Variants in TJP3 observed in about 807,000 individuals in gnomAD.
TJP3 encodes tight junction protein 3, also known as tight junction protein ZO-3.
In TJP3, 85 loss-of-function variants were observed where a neutral mutation model predicts 104.2. That is an observed-to-expected ratio of 0.82 (90% CI 0.68 to 0.98). The LOEUF (loss-of-function observed/expected upper bound fraction) is 0.98. Ranked by LOEUF, TJP3 falls within the 50% of genes least tolerant of loss-of-function variation. TJP3 has a pLI of 0.00. For synonymous variants in TJP3, 550 were observed against 550.6 expected, an observed-to-expected ratio of 1.00 and a Z score of 0.02; for missense variants, 1,367 against 1,322.8, an observed-to-expected ratio of 1.03 and a Z score of -0.52.
At chr19:3,742,034 T>C (rs2036828807) in intron 14 of TJP3, among the ~76,000 whole-genome samples, 1 of 151,924 alleles carries the variant, frequency 6.6e-6, no homozygotes, top group South Asian at 2.1e-4. Context: ...AGGAAGGGGG[T>C]TCATTCCTTA....
intron 19 of TJP3, 95 bp from the exon 20 acceptor site, chr19:3,750,043 G>A (rs890132016): frequency 1.4e-5 from 22 of 1,538,212 alleles, no homozygotes; most frequent in African/African-American, 4.1e-5. Flanking sequence ...AGCATGGCCC[G>A]GGCCAAGGTG....
intron 13 of TJP3, among the ~76,000 whole-genome samples, 176 bp downstream of exon 13, chr19:3,739,310 T>C (rs2036781054): frequency 6.6e-6 from 1 of 152,128 alleles, no homozygotes; most frequent in African/African-American, 2.4e-5. Context: ...GGCAACATGG[T>C]GAAACCTCGT....
At chr19:3,739,174 C>A in intron 13 of TJP3, 40 bp downstream of exon 13, 1 of 1,471,514 alleles carries the variant, frequency 6.8e-7, no homozygotes, top group South Asian at 1.4e-5. Context: ...ACTTCTGCTT[C>A]AGCCTCAGTC....
chr19:3,720,184 T>C (rs1363791787), intron 1 of TJP3, among the ~76,000 whole-genome samples: 1 of 152,218 alleles, frequency 6.6e-6, no homozygotes, highest in Non-Finnish European at 1.5e-5. Context: ...GAGCTGGTTT[T>C]AGAACTCTCC....
Position 3,740,760 on chromosome 19 carries a change from G to C in TJP3, c.1840G>C (p.Glu614Gln). The C allele has an allele frequency of 6.4e-7, 1 of 1,571,936 alleles. No homozygotes were observed. Among genetic ancestry groups the C allele is most frequent in the Non-Finnish European group, 8.6e-7 (1 of 1,159,976 alleles). Residue 614 changes from glutamate to glutamine, a missense_variant, in exon 14 of 21, where the codon GAA (glutamate) becomes CAA (glutamine). Transcript: ENST00000541714. ...YPPYERVVLREASFKRPVVIL... is the reference protein window; with the variant it reads ...YPPYERVVLRQASFKRPVVIL... ...GCCCTACGAACGAGTGGTGTTGCGA[G>C]AAGGTGGGGCCCGGAGCTGGAGGGG...
intron 1 of TJP3, among the ~76,000 whole-genome samples, chr19:3,727,821 G>A (rs529489809): frequency 4.0e-4 from 61 of 151,958 alleles, no homozygotes; most frequent in African/African-American, 1.4e-3. Flanking sequence ...AGGCCAGTAG[G>A]CAGCCAGCTA....
chr19:3,748,031 T>A lies in TJP3; in HGVS notation c.2560T>A (p.Ser854Thr). 1 of 1,600,700 alleles carries A rather than the reference T, an allele frequency of 6.2e-7. No homozygotes were observed. Residue 854 changes from serine (S) to threonine (T), a missense_variant, in exon 19 of 21, where the codon TCC becomes ACC. Transcript: ENST00000541714. ...CTCGGAGCCCGTGCAGGCAGATGAGTCCCAGAGCCCGAGGGATCGTGGGAG... is the reference window on the plus strand; with the variant it reads ...CTCGGAGCCCGTGCAGGCAGATGAGACCCAGAGCCCGAGGGATCGTGGGAG... Reference protein sequence around the residue: ...RSSEPVQADESQSPRDRGRIS... With the variant: ...RSSEPVQADETQSPRDRGRIS...
At chr19:3,712,059 T>C (rs2036439464) in intron 1 of TJP3, among the ~76,000 whole-genome samples, 1 of 152,086 alleles carries the variant, frequency 6.6e-6, no homozygotes, top group African/African-American at 2.4e-5. Flanking sequence ...CTCACGCCTG[T>C]AATCCCAGCA....
intron 1 of TJP3, 192 bp from the exon 2 acceptor site, chr19:3,728,230 ACT>A: frequency 3.5e-6 from 3 of 865,548 alleles, no homozygotes; most frequent in Non-Finnish European, 5.2e-6. Context: ...ACAGAGCCAG[ACT>A]CTGTCTCAAA....
chr19:3,716,780 C>T (rs2036480545), intron 1 of TJP3, among the ~76,000 whole-genome samples: 1 of 103,282 alleles, frequency 9.7e-6, no homozygotes, highest in South Asian at 3.5e-4. Flanking sequence ...CCAGCTCATA[C>T]ATATATATAT....
chr19:3,742,485 A>C (rs2145699525), intron 14 of TJP3, among the ~76,000 whole-genome samples: 1 of 151,364 alleles, frequency 6.6e-6, no homozygotes, highest in South Asian at 2.1e-4. Context: ...CTCTTATCAG[A>C]GGACAGGGGG....
chr19:3,734,252 GAT>G (rs1179301271), intron 7 of TJP3, 73 bp from the exon 8 acceptor site: 1 of 1,443,528 alleles, frequency 6.9e-7, no homozygotes, highest in African/African-American at 1.4e-5. Flanking sequence ...GAGGGGTGTT[GAT>G]ATACCCCTCT....
In TJP3 at chr19:3,746,863, C is replaced by T. The variant is rs148761411; in HGVS notation, c.2309C>T (p.Thr770Met). The T allele has an allele frequency of 2.9e-5, 42 of 1,438,558 alleles. No homozygotes were observed. Among genetic ancestry groups the T allele is most frequent in the Middle Eastern group, 2.0e-4 (1 of 5,028 alleles). The allele number at this position is 1,438,558 out of a possible 1,614,324, so 89.1% of individuals were successfully genotyped here. ...GAGCAGCAGACGCGGCCCATCTGGA[C>T]GGCGGAAGATCAGGTACTGCCGCGG... is the stretch of plus-strand genomic sequence containing the variant. The part of the protein sequence containing the change: ...IREQQTRPIW[T>M]AEDQLDGSLE... The change falls in exon 18 of 21, where the codon ACG (threonine) becomes ATG (methionine). Residue 770 changes from threonine (T) to methionine (M), a missense_variant. Thr to Met is a moderately conservative substitution (Grantham distance 81). Coordinates refer to ENST00000541714, the MANE Select transcript of TJP3 (RefSeq NM_001267560.2). The surrounding 1 kb of genome is among the most constrained non-coding windows in gnomAD (Gnocchi z 4.1).
At chr19:3,731,754 C>T (rs181765560) in intron 5 of TJP3, among the ~76,000 whole-genome samples, 181 bp from the exon 6 acceptor site, 31 of 152,328 alleles carry the variant, frequency 2.0e-4, no homozygotes, top group Admixed American at 1.6e-3. Context: ...GTCCCCGCCC[C>T]GTGGAGATGT....
At chr19:3,723,825 ATAT>A (rs1568380002) in intron 1 of TJP3, among the ~76,000 whole-genome samples, 3 of 148,366 alleles carry the variant, frequency 2.0e-5, no homozygotes, top group Non-Finnish European at 3.0e-5. Flanking sequence ...ATATATATAT[ATAT>A]AAAATAATAA....
At chr19:3,723,327 G>A (rs2036562839) in intron 1 of TJP3, among the ~76,000 whole-genome samples, 1 of 152,122 alleles carries the variant, frequency 6.6e-6, no homozygotes, top group African/African-American at 2.4e-5. Context: ...TTGCCAGGGA[G>A]TCCAGTACCA....
At chr19:3,738,223 G>T (rs1242347209) in intron 11 of TJP3, among the ~76,000 whole-genome samples, 11 of 152,214 alleles carry the variant, frequency 7.2e-5, no homozygotes, top group Non-Finnish European at 1.5e-4. Flanking sequence ...ATTTCACACA[G>T]TTTCCATCGA....
chr19:3,724,224 T>C (rs943289675), intron 1 of TJP3, among the ~76,000 whole-genome samples: 18 of 151,670 alleles, frequency 1.2e-4, no homozygotes, highest in Non-Finnish European at 1.5e-4. Flanking sequence ...GAGACGGAGT[T>C]TCCCTCTGTC....
intron 8 of TJP3, 148 bp downstream of exon 8, chr19:3,734,583 T>C (rs972608721): frequency 2.8e-6 from 2 of 718,562 alleles, no homozygotes; most frequent in Admixed American, 3.1e-5. Flanking sequence ...ACCTCCAGCC[T>C]CTACCCATTA....
Sources: gnomAD v4.1 joint callset for allele counts (sites outside exome capture counted in the v4.1 genomes callset) on GRCh38, gnomAD v4.1.1 for gene constraint, Gnocchi (gnomAD v3.1) non-coding constraint, MANE v1.5 for transcripts, NCBI Gene and HGNC (gene_info 2026-07-23, HGNC 2026-07-21) for gene names.